Variants in GPC5 observed in about 807,000 individuals in gnomAD.
GPC5 encodes the protein glypican 5.
In GPC5, 47 loss-of-function variants were observed where a neutral mutation model predicts 53.9. The ratio of observed to expected loss-of-function variants is 0.87; its 90% CI spans 0.69 to 1.11. The LOEUF (loss-of-function observed/expected upper bound fraction) is 1.11, where lower values mean the gene tolerates loss of function less well. Among genes scored for constraint, GPC5 ranks in the 50% most tolerant of loss-of-function variants. The pLI is 0.00. For missense variants in GPC5, 748 were observed against 713.1 expected, an observed-to-expected ratio of 1.05 and a Z score of -0.56; for synonymous variants, 286 against 263.3, an observed-to-expected ratio of 1.09 and a Z score of -0.84.
chr13:91,676,175 A>G (rs2035378770), intron 2 of GPC5, among the ~76,000 whole-genome samples: 7 of 152,098 alleles, frequency 4.6e-5, no homozygotes, highest in Admixed American at 4.6e-4. Context: ...GGTTCAAGCG[A>G]TTCTCCTGCC....
intron 5 of GPC5, among the ~76,000 whole-genome samples, chr13:91,850,671 C>A (rs868400244): frequency 2.0e-5 from 3 of 151,862 alleles, no homozygotes; most frequent in Middle Eastern, 3.4e-3. Context: ...TTTCAAAGAT[C>A]TATTTTTTAA....
At chr13:92,760,132 C>T (rs929085488) in intron 7 of GPC5, among the ~76,000 whole-genome samples, 1 of 151,858 alleles carries the variant, frequency 6.6e-6, no homozygotes, top group South Asian at 2.1e-4. Flanking sequence ...TGATATTTGG[C>T]CTATAGTTTA....
intron 2 of GPC5, among the ~76,000 whole-genome samples, chr13:91,592,188 G>GT (rs2032824030): frequency 6.6e-6 from 1 of 152,178 alleles, no homozygotes; most frequent in Admixed American, 6.5e-5. Context: ...GCTTCACAGG[G>GT]TGAGTATATT....
chr13:91,505,935 A>G (rs1454663291), intron 2 of GPC5, among the ~76,000 whole-genome samples: 2 of 152,132 alleles, frequency 1.3e-5, no homozygotes, highest in Non-Finnish European at 1.5e-5. Flanking sequence ...TAAAAGTGCA[A>G]TATATTATTT....
intron 6 of GPC5, among the ~76,000 whole-genome samples, chr13:91,946,155 G>T (rs551616216): frequency 6.6e-6 from 1 of 152,142 alleles, no homozygotes; most frequent in South Asian, 2.1e-4. Flanking sequence ...TCCTTGCTCA[G>T]CTTAGTACTG....
rs576253439 is a variant in GPC5 at position 91,888,306 on chromosome 13, C to G, written c.1281-19631C>G. Among the ~76,000 whole-genome samples the G allele has an allele frequency of 4.6e-5, 7 of 152,252 alleles. No homozygotes were observed. The South Asian group carries it at 1.5e-3, about 32-fold the overall frequency. ...TGATTCAATTACCTCCTACTGGGTT[C>G]CTCCCAGGACACGTGGGGATTATGG... On this transcript the variant is annotated intron_variant, in intron 5 of 7. Transcript: ENST00000377067.
intron 7 of GPC5, among the ~76,000 whole-genome samples, chr13:92,345,911 C>T (rs968163378): frequency 6.6e-6 from 1 of 152,196 alleles, no homozygotes; most frequent in Admixed American, 6.5e-5. Flanking sequence ...GTGTTCTTGA[C>T]AGCTCAATCA....
intron 7 of GPC5, among the ~76,000 whole-genome samples, chr13:92,711,549 AAGAAAATCAAGGTTACAG>A (rs1888140793): frequency 6.6e-6 from 1 of 152,150 alleles, no homozygotes; most frequent in Non-Finnish European, 1.5e-5. Context: ...AACAACTAGA[AAGAAAATCAAGGTTACAG>A]AGAAAATATC....
intron 7 of GPC5, among the ~76,000 whole-genome samples, chr13:92,494,956 T>C (rs976328806): frequency 3.3e-5 from 5 of 152,208 alleles, no homozygotes; most frequent in Non-Finnish European, 4.4e-5. Flanking sequence ...TTTTGTGAGA[T>C]ACTTAAAATT....
chr13:92,753,189 C>T lies in GPC5; in HGVS notation c.1562-113093C>T, dbSNP rs781370988. Among the ~76,000 whole-genome samples the T allele has an allele frequency of 2.1e-3, 325 of 152,286 alleles. 1 individual carries two copies. The highest frequency in any genetic ancestry group is 7.1e-3 in the African/African-American group (295 of 41,566). ...AAGTGGGTCCCTGACCCCTGACCCC[C>T]GAGCAGCCTAACTGGGAGGCACCCC... On this transcript the variant is annotated intron_variant, in intron 7 of 7. Transcript: ENST00000377067.
At chr13:91,824,284 A>C (rs1415038241) in intron 5 of GPC5, among the ~76,000 whole-genome samples, 1 of 152,066 alleles carries the variant, frequency 6.6e-6, no homozygotes, top group Non-Finnish European at 1.5e-5. Flanking sequence ...TTATAATTGG[A>C]CTATGATGGC....
intron 3 of GPC5, among the ~76,000 whole-genome samples, chr13:91,725,325 G>T (rs1027442269): frequency 1.3e-5 from 2 of 152,160 alleles, no homozygotes; most frequent in Non-Finnish European, 2.9e-5. Flanking sequence ...GAAGGAAATT[G>T]CAGTATAAGT....
At chr13:92,459,876 G>T (rs774400877) in intron 7 of GPC5, among the ~76,000 whole-genome samples, 1 of 151,908 alleles carries the variant, frequency 6.6e-6, no homozygotes, top group Non-Finnish European at 1.5e-5. Flanking sequence ...AAAAGAAAAG[G>T]CATTCTTTAG....
intron 7 of GPC5, chr13:92,484,570 A>G (rs1879483446): frequency 6.6e-6 from 1 of 152,096 alleles, no homozygotes; most frequent in Non-Finnish European, 1.5e-5. Flanking sequence ...CAATGGCTAT[A>G]TCACCAGGCA....
chr13:92,077,919 T>C (rs1197692714), intron 6 of GPC5, among the ~76,000 whole-genome samples: 1 of 152,050 alleles, frequency 6.6e-6, no homozygotes, highest in Non-Finnish European at 1.5e-5. Context: ...TTGATAGACG[T>C]AGATATAGAT....
intron 7 of GPC5, among the ~76,000 whole-genome samples, chr13:92,481,323 G>A (rs1566609498): frequency 6.6e-6 from 1 of 151,982 alleles, no homozygotes; most frequent in Admixed American, 6.6e-5. Flanking sequence ...AGATGGTCTC[G>A]ATCTCCTGAT....
At chr13:91,847,409 G>A (rs2038863821) in intron 5 of GPC5, among the ~76,000 whole-genome samples, 1 of 151,768 alleles carries the variant, frequency 6.6e-6, no homozygotes, top group East Asian at 1.9e-4. Flanking sequence ...AAAATTATGG[G>A]CTTTACTGTA....
At chr13:91,526,545 T>G (rs1886094310) in intron 2 of GPC5, among the ~76,000 whole-genome samples, 1 of 152,180 alleles carries the variant, frequency 6.6e-6, no homozygotes, top group Admixed American at 6.5e-5. Context: ...TATATTTAAT[T>G]TTTGCTTTTA....
At chr13:91,952,313 A>G (rs2139061745) in intron 6 of GPC5, among the ~76,000 whole-genome samples, 1 of 152,270 alleles carries the variant, frequency 6.6e-6, no homozygotes, top group South Asian at 2.1e-4. Context: ...ACCACTTCAA[A>G]GATTAAAAAG....
Sources: gnomAD v4.1 joint callset for allele counts (sites outside exome capture counted in the v4.1 genomes callset) on GRCh38, gnomAD v4.1.1 for gene constraint, MANE v1.5 for transcripts, NCBI Gene and HGNC (gene_info 2026-07-23, HGNC 2026-07-21) for gene names.